The following DYNC2H1 variants were observed in gnomAD, a reference collection of about 807,000 sequenced individuals.
The protein encoded by DYNC2H1 is dynein cytoplasmic 2 heavy chain 1.
DYNC2H1 carries 410 observed loss-of-function variants against 570.0 expected under a neutral mutation model. The ratio of observed to expected loss-of-function variants is 0.72; its 90% CI spans 0.66 to 0.78. The LOEUF is 0.78. Ranked by LOEUF, DYNC2H1 falls within the 30% of genes least tolerant of loss-of-function variation. The pLI is 0.00. For missense variants in DYNC2H1, 4,865 were observed against 5,046.4 expected (o/e 0.96, Z 1.09); for synonymous variants, 1,688 against 1,677.6 (o/e 1.01, Z -0.15).
rs947920708 is a variant in DYNC2H1, at chr11:103,283,166, C to T, written c.10890+81C>T. 9.6e-6 allele frequency: 11 copies of T among 1,146,970 alleles called. No individual in the cohort carries two copies. In the East Asian group the frequency reaches 1.5e-4, roughly 16 times the overall value. The allele number at this position is 1,146,970 out of a possible 1,614,324, so 71.0% of individuals were successfully genotyped here. ...CTGTTGATACTTTGTGCTCCTTATT[C>T]GTAATCAGTGTTAACATTTTTAATA... On this transcript the variant is annotated intron_variant, in intron 73 of 88. Transcript: ENST00000375735.
chr11:103,116,411 T>C (rs1858397787), intron 4 of DYNC2H1, among the ~76,000 whole-genome samples, 159 bp from the exon 5 acceptor site: 1 of 152,138 alleles, frequency 6.6e-6, no homozygotes, highest in African/African-American at 2.4e-5. Flanking sequence ...TTATAGGGTA[T>C]TTGCATATGG....
intron 85 of DYNC2H1, among the ~76,000 whole-genome samples, chr11:103,448,078 C>T (rs1485129316): frequency 6.6e-6 from 1 of 152,048 alleles, no homozygotes; most frequent in Non-Finnish European, 1.5e-5. Context: ...AAATTTTTTC[C>T]ACCTTATTGG....
chr11:103,434,987 C>T (rs189650759), intron 84 of DYNC2H1, among the ~76,000 whole-genome samples: 1 of 152,082 alleles, frequency 6.6e-6, no homozygotes, highest in Non-Finnish European at 1.5e-5. Context: ...CCTCAAGTCT[C>T]AAGAGGCAAA....
intron 83 of DYNC2H1, among the ~76,000 whole-genome samples, chr11:103,359,882 C>G (rs533367669): frequency 6.6e-6 from 1 of 152,200 alleles, no homozygotes; most frequent in Admixed American, 6.5e-5. Context: ...CCAAGCTGGT[C>G]TTTAACTCCT....
chr11:103,195,638 G>T (rs72989780), intron 47 of DYNC2H1, among the ~76,000 whole-genome samples: 2 of 151,970 alleles, frequency 1.3e-5, no homozygotes, highest in Non-Finnish European at 2.9e-5. Context: ...TTGTCTTTTC[G>T]TATAGATTTT....
At position 103,189,357 on chromosome 11, in the gene DYNC2H1, G is replaced by A. The variant is rs543119612; in HGVS notation, c.7293-315G>A. On this transcript the variant is annotated intron_variant, in intron 44 of 88. Transcript: ENST00000375735. This position sits in a 1 kb window ranked among gnomAD's most constrained non-coding sequence, Gnocchi z 4.3. ...TTACTGCCCTGTGTACAGACCTTAT[G>A]TAACTCAAAAATGCTTTTCAAAAGT... 1.3e-5 allele frequency among the ~76,000 whole-genome samples: 2 copies of A among 152,162 alleles called. No homozygotes were observed. Among genetic ancestry groups the A allele is most frequent in the Admixed American group, 6.6e-5 (1 of 15,260 alleles).
intron 58 of DYNC2H1, among the ~76,000 whole-genome samples, chr11:103,222,660 A>G (rs1193672662): frequency 6.6e-6 from 1 of 152,164 alleles, no homozygotes; most frequent in Non-Finnish European, 1.5e-5. Context: ...TTGATGCTCA[A>G]ACATTGTTGT....
intron 82 of DYNC2H1, among the ~76,000 whole-genome samples, chr11:103,331,327 A>C (rs1683908263): frequency 1.3e-5 from 2 of 152,266 alleles, no homozygotes; most frequent in South Asian, 4.1e-4. Context: ...TGATGAGAGT[A>C]CTCAGGAGCT....
chr11:103,427,445 A>G (rs1232108350), intron 84 of DYNC2H1, among the ~76,000 whole-genome samples: 1 of 152,144 alleles, frequency 6.6e-6, no homozygotes, highest in Non-Finnish European at 1.5e-5. Context: ...AAGTATTCCT[A>G]ATGTATACCA....
At chr11:103,271,488 A>C (rs1341526425) in intron 70 of DYNC2H1, among the ~76,000 whole-genome samples, 2 of 152,240 alleles carry the variant, frequency 1.3e-5, no homozygotes. Context: ...TTCATTGAAC[A>C]TATTTGAAAG....
chr11:103,215,623 TTAACA>T (rs1423905792), intron 54 of DYNC2H1, 93 bp from the exon 55 acceptor site: 2 of 1,259,026 alleles, frequency 1.6e-6, no homozygotes, highest in East Asian at 2.6e-5. Flanking sequence ...ATATACACAC[TTAACA>T]TGTTTGCTTG....
In DYNC2H1 at chr11:103,412,024, T is replaced by G. The variant is rs186794694; in HGVS notation, c.12366+12152T>G. Among the ~76,000 whole-genome samples, 9 of 152,274 alleles carry G rather than the reference T, an allele frequency of 5.9e-5. No individual in the cohort carries two copies. The East Asian group carries it at 1.4e-3, about 23-fold the overall frequency. On this transcript the variant is annotated intron_variant, in intron 84 of 88. Coordinates refer to ENST00000375735, the MANE Select transcript of DYNC2H1 (RefSeq NM_001377.3). Reference sequence around the variant, plus strand: ...TTTAGGCTGTTTGATGAAATGCAAATGAGACTAGTCTGACTTTCACTAAGA... The same window carrying G: ...TTTAGGCTGTTTGATGAAATGCAAAGGAGACTAGTCTGACTTTCACTAAGA...
At position 103,313,360 on chromosome 11, in the gene DYNC2H1, A is replaced by C. The variant is rs144644091; in HGVS notation, c.11649+1327A>C. ...ACTGCATTTTTTCCATTGCCATGGC[A>C]GTCATATCTGGTACTAATGGTCAAT... On this transcript the variant is annotated intron_variant, in intron 79 of 88. Coordinates refer to ENST00000375735, the MANE Select transcript of DYNC2H1 (RefSeq NM_001377.3). 4.2e-3 allele frequency among the ~76,000 whole-genome samples: 642 copies of C among 152,268 alleles called. 5 individuals are homozygous for C. The highest frequency in any genetic ancestry group is 5.7e-3 in the Non-Finnish European group (391 of 68,004).
In DYNC2H1 at chr11:103,470,110, G is replaced by C. The variant is rs149449085; in HGVS notation, c.12765+1405G>C. Reference sequence around the variant, plus strand: ...AGAGCAACTAAGAATAAATATAGGAGACAATGACCTGGAGCCATACCCACG... The same window carrying C: ...AGAGCAACTAAGAATAAATATAGGACACAATGACCTGGAGCCATACCCACG... On this transcript the variant is annotated intron_variant, in intron 88 of 88. Transcript: ENST00000375735. Among the ~76,000 whole-genome samples the C allele has an allele frequency of 4.9e-3, 748 of 152,150 alleles. 26 individuals carry two copies. The highest frequency in any genetic ancestry group is 0.045 in the Admixed American group (686 of 15,282).
chr11:103,260,604 CT>C (rs1021958736), intron 70 of DYNC2H1, among the ~76,000 whole-genome samples: 1 of 149,990 alleles, frequency 6.7e-6, no homozygotes, highest in African/African-American at 2.5e-5. Context: ...ACGCAGAGGC[CT>C]TTTTGTACTT....
intron 5 of DYNC2H1, among the ~76,000 whole-genome samples, chr11:103,117,245 TAATATATATATTTTA>T (rs1380733245): frequency 1.4e-5 from 2 of 146,984 alleles, no homozygotes; most frequent in Admixed American, 1.4e-4. Context: ...TATATATATT[TAATATATATATTTTA>T]TATATATATA....
At chr11:103,310,058 A>G (rs1042992677) in intron 78 of DYNC2H1, among the ~76,000 whole-genome samples, 1 of 152,168 alleles carries the variant, frequency 6.6e-6, no homozygotes, top group African/African-American at 2.4e-5. Flanking sequence ...ATGTGCATAT[A>G]TATAATATGG....
At chr11:103,343,396 T>G (rs11225735) in intron 82 of DYNC2H1, among the ~76,000 whole-genome samples, 32,891 of 151,972 alleles carry the variant, frequency 0.22, 3,699 homozygotes, top group Admixed American at 0.31. Context: ...GCTTTTCTAG[T>G]TTCTCCTATA....
chr11:103,199,231 C>T lies in DYNC2H1; in HGVS notation c.7843C>T (p.Leu2615Phe), dbSNP rs776682498. ...AATATTCTGATTTTTTTAAAAGGGT[C>T]TTATTCATTATGGACGAGATAACCA... ...TDLKDVIKKGLIHYGRDNQNL... is the reference protein window; with the variant it reads ...TDLKDVIKKGFIHYGRDNQNL... The change falls in exon 49 of 89, where the codon CTT (leucine) becomes TTT (phenylalanine). Residue 2615 changes from leucine to phenylalanine, a missense_variant. Transcript: ENST00000375735. This position sits in a 1 kb window ranked among gnomAD's most constrained non-coding sequence, Gnocchi z 4.6. 3.9e-6 allele frequency: 6 copies of T among 1,548,960 alleles called. No individual in the cohort carries two copies. The highest frequency in any genetic ancestry group is 1.2e-5 in the South Asian group (1 of 82,862).
Sources: allele counts gnomAD v4.1 joint callset (sites outside exome capture counted in the v4.1 genomes callset), GRCh38; gene constraint gnomAD v4.1.1; non-coding constraint Gnocchi (gnomAD v3.1); transcripts MANE v1.5; gene names NCBI Gene and HGNC (gene_info 2026-07-23, HGNC 2026-07-21).